Variants in KCTD6 observed in about 807,000 individuals in gnomAD.
KCTD6 encodes the protein potassium channel tetramerization domain containing 6.
A neutral mutation model predicts 18.7 loss-of-function variants in KCTD6; 6 were observed. That is an observed-to-expected ratio of 0.32 (90% CI 0.18 to 0.63). KCTD6 has a LOEUF of 0.63. Among genes scored for constraint, KCTD6 ranks in the 30% least tolerant of loss-of-function variants. The pLI, the probability that KCTD6 is intolerant of heterozygous loss-of-function variation, is 0.79. For missense variants in KCTD6, 165 were observed against 300.2 expected (o/e 0.55, Z 3.33); for synonymous variants, 86 against 108.5 (o/e 0.79, Z 1.29).
At position 58,497,751 on chromosome 3, in the gene KCTD6, A is replaced by G. The variant is rs1356465706; in HGVS notation, c.-43-962A>G. On this transcript the variant is annotated intron_variant, in intron 1 of 2. Transcript: ENST00000404589. The surrounding 1 kb of genome is among the most constrained non-coding windows in gnomAD (Gnocchi z 4.2). ...TGCTCTTTAACACTTCGGCATTTAA[A>G]TCACTTTCTATTTGTTTTAATTGTA... 1 of 152,126 alleles carries G rather than the reference A, an allele frequency of 6.6e-6. No individual in the cohort carries two copies. Among genetic ancestry groups the G allele is most frequent in the Non-Finnish European group, 1.5e-5 (1 of 68,028 alleles). 9.4% of individuals were successfully genotyped at this position (152,126 alleles called of 1,614,324 possible). A position where few individuals can be genotyped will look rare whatever the true frequency, so the allele number is the denominator to read the frequency against.
In KCTD6 at chr3:58,502,323, A is replaced by C. The variant is rs1363681212; in HGVS notation, c.*691A>C. The C allele has an allele frequency of 2.0e-5, 3 of 152,376 alleles. No individual in the cohort carries two copies. The highest frequency in any genetic ancestry group is 7.2e-5 in the African/African-American group (3 of 41,386). 9.4% of individuals were successfully genotyped at this position (152,376 alleles called of 1,614,324 possible). ...CCAAGTGTACTGTCTACCAGAAAAAAAAAACAAAACTAATAAAAAATGAAA... is the reference window on the plus strand; with the variant it reads ...CCAAGTGTACTGTCTACCAGAAAAACAAAACAAAACTAATAAAAAATGAAA... On this transcript the variant is annotated 3_prime_UTR_variant, in exon 3 of 3. Transcript: ENST00000404589.
intron 2 of KCTD6, among the ~76,000 whole-genome samples, chr3:58,499,982 A>T (rs1456064579): frequency 6.6e-6 from 1 of 152,236 alleles, no homozygotes; most frequent in Non-Finnish European, 1.5e-5. Context: ...TGGCTGCTGT[A>T]AGCTTTTGGG....
In KCTD6 at chr3:58,502,129, G is replaced by A. The variant is rs1436511973; in HGVS notation, c.*497G>A. The stretch of plus-strand genomic sequence containing the variant: ...CCAATCATTTAAAAGTACTTATTAA[G>A]TACTGCTTTTTACAGTTATGACAAC... On this transcript the variant is annotated 3_prime_UTR_variant, in exon 3 of 3. Coordinates refer to ENST00000404589, the MANE Select transcript of KCTD6 (RefSeq NM_001128214.2). 1 of 152,530 alleles carries A rather than the reference G, an allele frequency of 6.6e-6. No homozygotes were observed. Among genetic ancestry groups the A allele is most frequent in the African/African-American group, 2.4e-5 (1 of 41,406 alleles). 9.4% of individuals were successfully genotyped at this position (152,530 alleles called of 1,614,324 possible).
chr3:58,500,840 A>G (rs945280074), intron 2 of KCTD6, 106 bp from the exon 3 acceptor site: 1 of 707,028 alleles, frequency 1.4e-6, no homozygotes, highest in Admixed American at 2.9e-5. Context: ...AATACATTAT[A>G]GCCTGAAAGA....
Position 58,497,445 on chromosome 3 carries a change from A to T in KCTD6, c.-43-1268A>T, listed in dbSNP as rs1308985788. Among the ~76,000 whole-genome samples the T allele has an allele frequency of 2.0e-5, 3 of 152,220 alleles. No homozygotes were observed. The highest frequency in any genetic ancestry group is 1.3e-4 in the Admixed American group (2 of 15,286). On this transcript the variant is annotated intron_variant, in intron 1 of 2. Coordinates refer to ENST00000404589, the MANE Select transcript of KCTD6 (RefSeq NM_001128214.2). The surrounding 1 kb of genome is among the most constrained non-coding windows in gnomAD (Gnocchi z 4.2). Reference sequence around the variant, plus strand: ...TGCTTTTCCTGGATGAATACCAATAAGTCCATGTTTCTTACCATGTCTTGC... The same window carrying T: ...TGCTTTTCCTGGATGAATACCAATATGTCCATGTTTCTTACCATGTCTTGC...
chr3:58,492,382 G>A lies in KCTD6; in HGVS notation c.-44+213G>A, dbSNP rs1334645169. Among the ~76,000 whole-genome samples the A allele has an allele frequency of 6.6e-6, 1 of 150,596 alleles. No individual in the cohort carries two copies. The highest frequency in any genetic ancestry group is 1.5e-5 in the Non-Finnish European group (1 of 67,558). ...GGTGCCCGCGGCGGGGCCTGGGCGG[G>A]GGTTCCGGGGCCCGCCCGGCGGGGA... On this transcript the variant is annotated intron_variant, in intron 1 of 2. Transcript: ENST00000404589. The surrounding 1 kb of genome is among the most constrained non-coding windows in gnomAD (Gnocchi z 6.1).
chr3:58,493,032 A>G lies in KCTD6; in HGVS notation c.-44+863A>G, dbSNP rs147797732. On this transcript the variant is annotated intron_variant, in intron 1 of 2. Transcript: ENST00000404589. The surrounding 1 kb of genome is among the most constrained non-coding windows in gnomAD (Gnocchi z 4.5). ...TTGGGGTAGCCTAAGTATCTCTTCT[A>G]TATCCCCCTGGCATGTTCTTTTTTT... is the stretch of plus-strand genomic sequence containing the variant. Among the ~76,000 whole-genome samples, 32 of 152,276 alleles carry G rather than the reference A, an allele frequency of 2.1e-4. 1 individual carries two copies. Among genetic ancestry groups the G allele is most frequent in the East Asian group, 5.8e-4 (3 of 5,176 alleles).
intron 1 of KCTD6, among the ~76,000 whole-genome samples, chr3:58,494,596 G>A (rs369968568): frequency 3.3e-5 from 5 of 152,264 alleles, no homozygotes; most frequent in East Asian, 3.9e-4. Context: ...TTTTGCCCCG[G>A]AGAATTCTTA....
Position 58,498,686 on chromosome 3 carries a change from C to A in KCTD6, c.-43-27C>A. 1 of 1,148,578 alleles carries A rather than the reference C, an allele frequency of 8.7e-7. No individual in the cohort carries two copies. The highest frequency in any genetic ancestry group is 1.3e-6 in the Non-Finnish European group (1 of 759,772). The allele number at this position is 1,148,578 out of a possible 1,614,324, so 71.1% of individuals were successfully genotyped here. ...CTATTTTCCTAGTTATATATGCTAT[C>A]ATATGTCTGTTTTTCTCCTCTTGAA... is the stretch of plus-strand genomic sequence containing the variant. On this transcript the variant is annotated intron_variant, in intron 1 of 2. Coordinates refer to ENST00000404589, the MANE Select transcript of KCTD6 (RefSeq NM_001128214.2). The surrounding 1 kb of genome is among the most constrained non-coding windows in gnomAD (Gnocchi z 4.6).
chr3:58,492,344 A>T lies in KCTD6; in HGVS notation c.-44+175A>T, dbSNP rs2063158683. On this transcript the variant is annotated intron_variant, in intron 1 of 2. Coordinates refer to ENST00000404589, the MANE Select transcript of KCTD6 (RefSeq NM_001128214.2). The surrounding 1 kb of genome is among the most constrained non-coding windows in gnomAD (Gnocchi z 6.1). Reference sequence around the variant, plus strand: ...GGACCGCGCGTCCCGGGCTGGCACGAGCCAGCAGCGGAGGTGCCCGCGGCG... The same window carrying T: ...GGACCGCGCGTCCCGGGCTGGCACGTGCCAGCAGCGGAGGTGCCCGCGGCG... Among the ~76,000 whole-genome samples, 1 of 149,518 alleles carries T rather than the reference A, an allele frequency of 6.7e-6. No homozygotes were observed. Among genetic ancestry groups the T allele is most frequent in the Admixed American group, 6.6e-5 (1 of 15,082 alleles).
rs2063176392 is a variant in KCTD6, at chr3:58,496,650, G to C, written c.-43-2063G>C. On this transcript the variant is annotated intron_variant, in intron 1 of 2. Transcript: ENST00000404589. This position sits in a 1 kb window ranked among gnomAD's most constrained non-coding sequence, Gnocchi z 5.1. ...TGAAATCTTGCTTTTCCCCTCTCAC[G>C]GGCCTCTGCTGGTCCATCTGTTATA... Among the ~76,000 whole-genome samples the C allele has an allele frequency of 6.6e-6, 1 of 152,038 alleles. No individual in the cohort carries two copies. Among genetic ancestry groups the C allele is most frequent in the Non-Finnish European group, 1.5e-5 (1 of 68,026 alleles).
Position 58,501,397 on chromosome 3 carries a change from T to A in KCTD6, c.479T>A (p.Phe160Tyr). ...HSLLEGISNY[F>Y]TKWNKHMMDT... ...TTACTAGAAGGCATCTCAAATTATT[T>A]TACCAAGTGGAATAAGCACATGATG... is the stretch of plus-strand genomic sequence containing the variant. The change falls in exon 3 of 3, where the codon TTT (phenylalanine) becomes TAT (tyrosine). Residue 160 changes from phenylalanine (F) to tyrosine (Y), a missense_variant. Transcript: ENST00000404589. The surrounding 1 kb of genome is among the most constrained non-coding windows in gnomAD (Gnocchi z 9.7). 6.3e-7 allele frequency: 1 copy of A among 1,580,424 alleles called. No individual in the cohort carries two copies. Among genetic ancestry groups the A allele is most frequent in the South Asian group, 1.2e-5 (1 of 84,894 alleles).
chr3:58,499,880 T>G (rs1014681217), intron 2 of KCTD6, among the ~76,000 whole-genome samples: 15 of 152,166 alleles, frequency 9.9e-5, no homozygotes, highest in African/African-American at 3.4e-4. Flanking sequence ...TGAAGGTATG[T>G]TTTTTAAGAG....
Position 58,498,906 on chromosome 3 carries a change from TC to T in KCTD6, c.27+129del. On this transcript the variant is annotated intron_variant, in intron 2 of 2. Transcript: ENST00000404589. This position sits in a 1 kb window ranked among gnomAD's most constrained non-coding sequence, Gnocchi z 4.6. Reference sequence around the variant, plus strand: ...AATTGTGAATTTGTGTAACCTCTCTTCCCCCTTTTACTTAGTTTAGATGTAT... The same window carrying T: ...AATTGTGAATTTGTGTAACCTCTCTTCCCCTTTTACTTAGTTTAGATGTAT... 1.3e-6 allele frequency: 1 copy of T among 757,414 alleles called. No individual in the cohort carries two copies. Among genetic ancestry groups the T allele is most frequent in the Non-Finnish European group, 2.2e-6 (1 of 456,982 alleles). 46.9% of individuals were successfully genotyped at this position (757,414 alleles called of 1,614,324 possible). A position where few individuals can be genotyped will look rare whatever the true frequency, so the allele number is the denominator to read the frequency against.
Position 58,492,363 on chromosome 3 carries a change from C to G in KCTD6, c.-44+194C>G, listed in dbSNP as rs764323627. Among the ~76,000 whole-genome samples the G allele has an allele frequency of 6.0e-5, 9 of 149,734 alleles. No homozygotes were observed. The highest frequency in any genetic ancestry group is 1.3e-4 in the Admixed American group (2 of 15,100). ...GGCACGAGCCAGCAGCGGAGGTGCC[C>G]GCGGCGGGGCCTGGGCGGGGGTTCC... On this transcript the variant is annotated intron_variant, in intron 1 of 2. Transcript: ENST00000404589. The surrounding 1 kb of genome is among the most constrained non-coding windows in gnomAD (Gnocchi z 6.1).
rs1020324496 is a variant in KCTD6, at chr3:58,492,331, C to T, written c.-44+162C>T. Among the ~76,000 whole-genome samples the T allele has an allele frequency of 6.7e-6, 1 of 149,682 alleles. No homozygotes were observed. Among genetic ancestry groups the T allele is most frequent in the African/African-American group, 2.4e-5 (1 of 41,114 alleles). On this transcript the variant is annotated intron_variant, in intron 1 of 2. Coordinates refer to ENST00000404589, the MANE Select transcript of KCTD6 (RefSeq NM_001128214.2). This position sits in a 1 kb window ranked among gnomAD's most constrained non-coding sequence, Gnocchi z 6.1. ...GGCCGCGTTGAGGGGACCGCGCGTC[C>T]CGGGCTGGCACGAGCCAGCAGCGGA... is the stretch of plus-strand genomic sequence containing the variant.
chr3:58,498,152 T>G lies in KCTD6; in HGVS notation c.-43-561T>G, dbSNP rs1340627398. 6.6e-6 allele frequency: 1 copy of G among 152,106 alleles called. No individual in the cohort carries two copies. Among genetic ancestry groups the G allele is most frequent in the African/African-American group, 2.4e-5 (1 of 41,388 alleles). The allele number at this position is 152,106 out of a possible 1,614,324, so 9.4% of individuals were successfully genotyped here. On this transcript the variant is annotated intron_variant, in intron 1 of 2. Transcript: ENST00000404589. The surrounding 1 kb of genome is among the most constrained non-coding windows in gnomAD (Gnocchi z 4.6). ...GCCCACCACCACGCCCAGCTAATTT[T>G]TTGTATTTTTAGTAGAGATGGGGTT...
Position 58,498,009 on chromosome 3 carries a change from T to C in KCTD6, c.-43-704T>C. Reference sequence around the variant, plus strand: ...TTTTTTTTTTTTTTTTGAGATGGAGTCTCGCACTGTTGCAGGGGCTGGTGT... The same window carrying C: ...TTTTTTTTTTTTTTTTGAGATGGAGCCTCGCACTGTTGCAGGGGCTGGTGT... On this transcript the variant is annotated intron_variant, in intron 1 of 2. Transcript: ENST00000404589. The surrounding 1 kb of genome is among the most constrained non-coding windows in gnomAD (Gnocchi z 4.6). 6.9e-6 allele frequency: 1 copy of C among 145,308 alleles called. No individual in the cohort carries two copies. 9.0% of individuals were successfully genotyped at this position (145,308 alleles called of 1,614,324 possible).
rs766546413 is a variant in KCTD6 at position 58,497,419 on chromosome 3, G to T, written c.-43-1294G>T. Among the ~76,000 whole-genome samples the T allele has an allele frequency of 2.0e-5, 3 of 152,228 alleles. No individual in the cohort carries two copies. Among genetic ancestry groups the T allele is most frequent in the Non-Finnish European group, 2.9e-5 (2 of 68,038 alleles). ...GTTAAAGGACCACGTAAAAAAGCCA[G>T]TGCTTTTCCTGGATGAATACCAATA... is the stretch of plus-strand genomic sequence containing the variant. On this transcript the variant is annotated intron_variant, in intron 1 of 2. Transcript: ENST00000404589. This position sits in a 1 kb window ranked among gnomAD's most constrained non-coding sequence, Gnocchi z 4.2.
Sources: allele counts gnomAD v4.1 joint callset (sites outside exome capture counted in the v4.1 genomes callset), GRCh38; gene constraint gnomAD v4.1.1; non-coding constraint Gnocchi (gnomAD v3.1); transcripts MANE v1.5; gene names NCBI Gene and HGNC (gene_info 2026-07-23, HGNC 2026-07-21).